The following NEGR1 variants were observed in gnomAD, a reference collection of about 807,000 sequenced individuals.
The protein encoded by NEGR1 is IgLON family member 4.
Under a neutral mutation model 40.9 loss-of-function variants are expected in NEGR1, and 10 were observed. That is an observed-to-expected ratio of 0.24 (90% CI 0.15 to 0.42). The LOEUF (loss-of-function observed/expected upper bound fraction) is 0.42. NEGR1 is among the 10% of genes least tolerant of loss of function. The pLI, the probability that NEGR1 is intolerant of heterozygous loss-of-function variation, is 1.00. For missense variants in NEGR1, 352 were observed against 438.9 expected (o/e 0.80, Z 1.77); for synonymous variants, 185 against 166.8 (o/e 1.11, Z -0.84).
At chr1:71,610,639 C>T (rs1650221109) in intron 5 of NEGR1, among the ~76,000 whole-genome samples, 1 of 152,152 alleles carries the variant, frequency 6.6e-6, no homozygotes, top group Non-Finnish European at 1.5e-5. Flanking sequence ...TGAGGCTTAT[C>T]AAGGAAGCCA....
In NEGR1 at chr1:71,698,143, T is replaced by C. The variant is rs764285516; in HGVS notation, c.536-4A>G. The C allele has an allele frequency of 3.7e-6, 6 of 1,608,474 alleles. No individual in the cohort carries two copies. The Admixed American group carries it at 5.1e-5, about 14-fold the overall frequency. On this transcript the variant is annotated splice_region_variant and splice_polypyrimidine_tract_variant and intron_variant, in intron 3 of 6. Transcript: ENST00000357731. ...TGTCCATTTTCAAATGGTTTTGCTA[T>C]AAAAAAGAATACAGCATGTTTAATT...
At chr1:72,194,268 T>C (rs1217188631) in intron 1 of NEGR1, among the ~76,000 whole-genome samples, 5 of 151,922 alleles carry the variant, frequency 3.3e-5, no homozygotes, top group Non-Finnish European at 1.5e-5. Flanking sequence ...AAAAGGGAGC[T>C]AATATTTTTG....
intron 6 of NEGR1, among the ~76,000 whole-genome samples, chr1:71,570,581 T>C (rs1648777924): frequency 6.6e-6 from 1 of 152,044 alleles, no homozygotes; most frequent in Admixed American, 6.6e-5. Flanking sequence ...AGTGGTCAAA[T>C]TATTTTATGC....
intron 2 of NEGR1, among the ~76,000 whole-genome samples, chr1:71,840,475 T>C (rs915978147): frequency 6.6e-6 from 1 of 152,194 alleles, no homozygotes; most frequent in Non-Finnish European, 1.5e-5. Flanking sequence ...AATAAGTTTC[T>C]GTGGTATATC....
intron 1 of NEGR1, among the ~76,000 whole-genome samples, chr1:72,119,738 G>T (rs1649727020): frequency 6.6e-6 from 1 of 151,900 alleles, no homozygotes; most frequent in African/African-American, 2.4e-5. Flanking sequence ...AGTGGATACT[G>T]TTAAATGTCC....
At chr1:72,047,366 C>T (rs1385723940) in intron 1 of NEGR1, among the ~76,000 whole-genome samples, 4 of 151,274 alleles carry the variant, frequency 2.6e-5, no homozygotes, top group Admixed American at 2.0e-4. Flanking sequence ...TCCAAAGAAA[C>T]GTCATTCAAT....
At chr1:72,096,820 C>A (rs2100234395) in intron 1 of NEGR1, among the ~76,000 whole-genome samples, 1 of 152,036 alleles carries the variant, frequency 6.6e-6, no homozygotes, top group Admixed American at 6.6e-5. Flanking sequence ...GCCACAACGC[C>A]CGGCTATTTT....
intron 4 of NEGR1, among the ~76,000 whole-genome samples, chr1:71,642,610 C>G (rs569992457): frequency 1.0e-3 from 158 of 150,602 alleles, no homozygotes; most frequent in Non-Finnish European, 2.0e-3. Context: ...AAGGACTATG[C>G]AGTCAAAAAA....
At chr1:71,920,140 C>T (rs762435154) in intron 2 of NEGR1, among the ~76,000 whole-genome samples, 8 of 152,164 alleles carry the variant, frequency 5.3e-5, no homozygotes, top group South Asian at 2.1e-4. Context: ...TCTCCAGCTC[C>T]GAGGAGCTGT....
intron 6 of NEGR1, among the ~76,000 whole-genome samples, chr1:71,459,431 A>G (rs1646698650): frequency 6.6e-6 from 1 of 152,138 alleles, no homozygotes; most frequent in African/African-American, 2.4e-5. Flanking sequence ...TCACTTCCAC[A>G]CTTAATAGAC....
intron 2 of NEGR1, among the ~76,000 whole-genome samples, chr1:71,922,040 CAAG>C (rs1247573295): frequency 2.0e-5 from 3 of 152,204 alleles, no homozygotes; most frequent in Non-Finnish European, 4.4e-5. Flanking sequence ...AGATTTGTAA[CAAG>C]AAGAAGCCGC....
At chr1:71,630,456 G>GTAA (rs993378882) in intron 4 of NEGR1, among the ~76,000 whole-genome samples, 4 of 151,880 alleles carry the variant, frequency 2.6e-5, no homozygotes, top group Non-Finnish European at 4.4e-5. Context: ...TAACTATATT[G>GTAA]TAAAATGTAT....
intron 4 of NEGR1, among the ~76,000 whole-genome samples, chr1:71,614,769 T>C (rs958235391): frequency 1.3e-5 from 2 of 152,154 alleles, no homozygotes; most frequent in African/African-American, 4.8e-5. Context: ...GAACATTGCC[T>C]GAAAACCCAG....
intron 1 of NEGR1, among the ~76,000 whole-genome samples, chr1:72,039,319 T>C (rs1341041549): frequency 6.6e-6 from 1 of 151,968 alleles, no homozygotes. Context: ...TGTGGGCATA[T>C]AAGTGTTTCA....
chr1:71,914,280 T>C (rs149000004), intron 2 of NEGR1, among the ~76,000 whole-genome samples: 3 of 152,234 alleles, frequency 2.0e-5, no homozygotes, highest in Non-Finnish European at 4.4e-5. Context: ...AGCTTCTCTA[T>C]AGACAGAATT....
intron 1 of NEGR1, among the ~76,000 whole-genome samples, chr1:71,939,242 A>G (rs577075174): frequency 6.6e-6 from 1 of 152,244 alleles, no homozygotes; most frequent in East Asian, 1.9e-4. Context: ...GACCTAATGT[A>G]TTAAACAGCA....
intron 3 of NEGR1, among the ~76,000 whole-genome samples, chr1:71,704,163 T>TCACACACA (rs3077140): frequency 1.1e-3 from 150 of 142,214 alleles, no homozygotes; most frequent in South Asian, 7.4e-3. Context: ...TCTCTCTCTG[T>TCACACACA]CACACACACA....
chr1:72,031,561 A>C (rs1646858818), intron 1 of NEGR1, among the ~76,000 whole-genome samples: 1 of 152,192 alleles, frequency 6.6e-6, no homozygotes, highest in South Asian at 2.1e-4. Context: ...ACAGTTACTG[A>C]GTAGCAAAAT....
At chr1:71,863,978 A>C (rs1316748147) in intron 2 of NEGR1, among the ~76,000 whole-genome samples, 5 of 152,212 alleles carry the variant, frequency 3.3e-5, no homozygotes, top group African/African-American at 1.2e-4. Context: ...ATTTAAAAAA[A>C]CTGAAACTCA....
Sources: gnomAD v4.1 joint callset for allele counts (sites outside exome capture counted in the v4.1 genomes callset) on GRCh38, gnomAD v4.1.1 for gene constraint, MANE v1.5 for transcripts, NCBI Gene and HGNC (gene_info 2026-07-23, HGNC 2026-07-21) for gene names.